CRADD: variants seen among roughly 807,000 people sequenced by gnomAD.
CRADD encodes CARD and death domain containing adaptor protein, also known as death domain-containing protein CRADD.
A neutral mutation model predicts 15.5 loss-of-function variants in CRADD; 9 were observed. The observed-to-expected ratio is 0.58, with a 90% CI of 0.35 to 1.01. The LOEUF is 1.01. CRADD is among the 50% of genes least tolerant of loss of function. The pLI is 0.02. For synonymous variants in CRADD, 118 were observed against 107.6 expected, an observed-to-expected ratio of 1.10 and a Z score of -0.60; for missense variants, 227 against 250.3, an observed-to-expected ratio of 0.91 and a Z score of 0.63.
chr12:93,730,477 G>T (rs533485219), intron 2 of CRADD, among the ~76,000 whole-genome samples: 1 of 152,284 alleles, frequency 6.6e-6, no homozygotes, highest in South Asian at 2.1e-4. Flanking sequence ...TTTCTGGAAG[G>T]CACTTTGGCA....
exon 3 of CRADD, chr12:93,894,669 C>T (rs1958600114): frequency 6.5e-6 from 1 of 152,944 alleles, no homozygotes; most frequent in South Asian, 2.1e-4. Flanking sequence ...CTGCTGGCAG[C>T]TTCCCTGCCA....
At chr12:93,699,603 T>C (rs924580275) in intron 2 of CRADD, among the ~76,000 whole-genome samples, 1 of 152,234 alleles carries the variant, frequency 6.6e-6, no homozygotes, top group African/African-American at 2.4e-5. Flanking sequence ...TGTTTTCACC[T>C]CCTTTGAAGG....
At chr12:93,812,755 C>T (rs574235658) in intron 2 of CRADD, among the ~76,000 whole-genome samples, 1 of 152,300 alleles carries the variant, frequency 6.6e-6, no homozygotes, top group South Asian at 2.1e-4. Flanking sequence ...GTTGCCAAAT[C>T]CAAGGAAAGC....
chr12:93,755,767 C>T (rs1239003613), intron 2 of CRADD, among the ~76,000 whole-genome samples: 2 of 152,178 alleles, frequency 1.3e-5, no homozygotes, highest in African/African-American at 2.4e-5. Context: ...CGCAGAGCCC[C>T]TCTCTGCCCC....
chr12:93,761,294 G>A (rs1163742290), intron 2 of CRADD, among the ~76,000 whole-genome samples: 1 of 152,228 alleles, frequency 6.6e-6, no homozygotes, highest in Non-Finnish European at 1.5e-5. Context: ...GAGGCTGTGT[G>A]TAGTGTGAAG....
rs1294358189 is a variant in CRADD, at chr12:93,730,039, TACTA to T, written c.298+50968_298+50971del. On this transcript the variant is annotated intron_variant, in intron 2 of 2. Coordinates refer to ENST00000332896, the MANE Select transcript of CRADD (RefSeq NM_003805.5). ...AAATGGCCGCTGAATTCTTTACTACTACTATATCACTATCACTACTACTAGCAGG... is the reference window on the plus strand; with the variant it reads ...AAATGGCCGCTGAATTCTTTACTACTTATCACTATCACTACTACTAGCAGG... 3.3e-5 allele frequency among the ~76,000 whole-genome samples: 5 copies of T among 152,228 alleles called. No homozygotes were observed. The East Asian group carries it at 9.6e-4, about 29-fold the overall frequency.
At chr12:93,823,712 G>A (rs1016223945) in intron 2 of CRADD, among the ~76,000 whole-genome samples, 2 of 152,180 alleles carry the variant, frequency 1.3e-5, no homozygotes, top group East Asian at 3.8e-4. Flanking sequence ...CTTGCCTGTG[G>A]TTCACGCAGA....
intron 2 of CRADD, among the ~76,000 whole-genome samples, chr12:93,765,843 ATTAAGTT>A (rs888151146): frequency 7.7e-5 from 10 of 129,316 alleles, no homozygotes; most frequent in African/African-American, 2.3e-4. Flanking sequence ...AGAATGTTTT[ATTAAGTT>A]TTTTTTTTTC....
intron 1 of CRADD, among the ~76,000 whole-genome samples, 176 bp from the exon 2 acceptor site, chr12:93,678,593 G>A (rs1249962764): frequency 6.6e-6 from 1 of 152,088 alleles, no homozygotes; most frequent in Non-Finnish European, 1.5e-5. Context: ...CATTATGTTA[G>A]GAAACATTCA....
intron 2 of CRADD, among the ~76,000 whole-genome samples, chr12:93,734,007 G>T (rs113145206): frequency 3.3e-5 from 5 of 152,130 alleles, no homozygotes; most frequent in Admixed American, 2.0e-4. Context: ...AAGGTGCTCG[G>T]ATTACAGGCG....
chr12:93,796,938 T>C lies in CRADD; in HGVS notation c.299-53032T>C, dbSNP rs576159005. ...ACGTGGCACATCCTGGTACCACCTC[T>C]GCTGCTTTCACTGGCCACTGTTGCA... On this transcript the variant is annotated intron_variant, in intron 2 of 2. Coordinates refer to ENST00000332896, the MANE Select transcript of CRADD (RefSeq NM_003805.5). Among the ~76,000 whole-genome samples the C allele has an allele frequency of 1.1e-4, 17 of 152,336 alleles. No homozygotes were observed. In the South Asian group the frequency reaches 3.3e-3, roughly 30 times the overall value.
intron 2 of CRADD, among the ~76,000 whole-genome samples, chr12:93,761,107 G>A (rs1181591756): frequency 6.6e-6 from 1 of 152,150 alleles, no homozygotes; most frequent in African/African-American, 2.4e-5. Context: ...CAGCCATTGA[G>A]GTGGCTCAGG....
At chr12:93,693,014 T>C (rs1161848977) in intron 2 of CRADD, among the ~76,000 whole-genome samples, 2 of 152,184 alleles carry the variant, frequency 1.3e-5, no homozygotes, top group Non-Finnish European at 2.9e-5. Flanking sequence ...TGAGTTGTTA[T>C]CAGCTTAAAA....
intron 2 of CRADD, among the ~76,000 whole-genome samples, chr12:93,858,977 C>T (rs538717545): frequency 1.3e-5 from 2 of 152,306 alleles, no homozygotes; most frequent in East Asian, 1.9e-4. Flanking sequence ...CAAACCTAAG[C>T]ATAAAATCAG....
At chr12:93,691,340 G>A (rs903869419) in intron 2 of CRADD, among the ~76,000 whole-genome samples, 6 of 150,590 alleles carry the variant, frequency 4.0e-5, no homozygotes, top group Middle Eastern at 6.8e-3. Context: ...TGCAACCTCC[G>A]CCTCCCGGGT....
intron 2 of CRADD, among the ~76,000 whole-genome samples, chr12:93,770,162 C>G (rs1273788512): frequency 7.2e-6 from 1 of 138,042 alleles, no homozygotes; most frequent in Non-Finnish European, 1.5e-5. Context: ...GTGGCGCAAT[C>G]TCGGCTCACT....
At chr12:93,737,054 AG>A (rs1956583213) in intron 2 of CRADD, among the ~76,000 whole-genome samples, 1 of 152,212 alleles carries the variant, frequency 6.6e-6, no homozygotes, top group Non-Finnish European at 1.5e-5. Context: ...GGGGTAGAGG[AG>A]GCAGTGATGA....
At chr12:93,677,884 T>C (rs1955196083) in intron 1 of CRADD, 1 of 152,596 alleles carries the variant, frequency 6.6e-6, no homozygotes, top group South Asian at 2.1e-4. Context: ...TGCCCGGGTG[T>C]GTCTGAAGCC....
intron 2 of CRADD, among the ~76,000 whole-genome samples, chr12:93,778,081 T>G (rs1305718723): frequency 1.3e-5 from 2 of 152,214 alleles, no homozygotes; most frequent in African/African-American, 2.4e-5. Flanking sequence ...ATTGACCTAA[T>G]AGCAGAATAA....
Sources: allele counts gnomAD v4.1 joint callset (sites outside exome capture counted in the v4.1 genomes callset), GRCh38; gene constraint gnomAD v4.1.1; transcripts MANE v1.5; gene names NCBI Gene and HGNC (gene_info 2026-07-23, HGNC 2026-07-21).